The following ASB4 variants were observed in gnomAD, a reference collection of about 807,000 sequenced individuals.
The protein encoded by ASB4 is ankyrin repeat and SOCS box containing 4.
ASB4 carries 35 observed loss-of-function variants against 38.6 expected under a neutral mutation model. That is an observed-to-expected ratio of 0.91 (90% confidence interval 0.69 to 1.20). The LOEUF (loss-of-function observed/expected upper bound fraction) is 1.20. Ranked by LOEUF, ASB4 falls within the 50% of genes most tolerant of loss-of-function variation. The pLI, the probability that ASB4 is intolerant of heterozygous loss-of-function variation, is 0.00. For missense variants in ASB4, 557 were observed against 527.2 expected, an observed-to-expected ratio of 1.06 and a Z score of -0.55; for synonymous variants, 195 against 201.3, an observed-to-expected ratio of 0.97 and a Z score of 0.26.
intron 1 of ASB4, 110 bp from the exon 2 acceptor site, chr7:95,495,648 C>A: frequency 8.5e-7 from 1 of 1,171,998 alleles, no homozygotes; most frequent in Non-Finnish European, 1.2e-6. Context: ...CTCCACCCCA[C>A]TTTTATAAAT....
At chr7:95,532,579 CT>C (rs1790834181) in intron 3 of ASB4, among the ~76,000 whole-genome samples, 1 of 152,106 alleles carries the variant, frequency 6.6e-6, no homozygotes, top group Non-Finnish European at 1.5e-5. Context: ...AGGCAGTTCT[CT>C]TTGATCATTA....
chr7:95,523,653 G>A (rs1437092283), intron 2 of ASB4, among the ~76,000 whole-genome samples: 1 of 151,966 alleles, frequency 6.6e-6, no homozygotes, highest in African/African-American at 2.4e-5. Flanking sequence ...AAATGTTTCA[G>A]CTTAATAATT....
upstream of ASB4, among the ~76,000 whole-genome samples, chr7:95,478,291 G>A (rs1389113493): frequency 1.3e-5 from 2 of 152,156 alleles, no homozygotes; most frequent in African/African-American, 4.8e-5. Flanking sequence ...GTGAGGGATG[G>A]AAATACAAGC....
At chr7:95,493,364 G>GTGTGTGTGTGTGTGTGTGTGTGTGTGTA (rs1790200308) in intron 1 of ASB4, among the ~76,000 whole-genome samples, 2 of 55,630 alleles carry the variant, frequency 3.6e-5, no homozygotes, top group Non-Finnish European at 6.5e-5. Flanking sequence ...AGATGAAAGT[G>GTGTGTGTGTGTGTGTGTGTGTGTGTGTA]TGTGTGTGTG....
intron 2 of ASB4, among the ~76,000 whole-genome samples, chr7:95,515,003 G>A (rs1270864333): frequency 6.6e-6 from 1 of 152,152 alleles, no homozygotes; most frequent in Non-Finnish European, 1.5e-5. Context: ...AGCTGGTGAC[G>A]TAGACAGTAT....
At chr7:95,522,644 G>T (rs901744589) in intron 2 of ASB4, among the ~76,000 whole-genome samples, 13 of 152,086 alleles carry the variant, frequency 8.5e-5, no homozygotes, top group African/African-American at 3.1e-4. Context: ...TGGTCCTCCC[G>T]TTTAGTACCA....
At position 95,486,169 on chromosome 7, in the gene ASB4, A is replaced by T. The variant is rs763088336; in HGVS notation, c.187+11A>T. On this transcript the variant is annotated intron_variant, in intron 1 of 4. Transcript: ENST00000325885. ...CATCTTATAAACAAGGTAAAAACATATAGGTGTTATTGTAGAACTGTTAGA... is the reference window on the plus strand; with the variant it reads ...CATCTTATAAACAAGGTAAAAACATTTAGGTGTTATTGTAGAACTGTTAGA... 3.1e-6 allele frequency: 5 copies of T among 1,605,478 alleles called. No homozygotes were observed. In the African/African-American group the frequency reaches 6.7e-5, roughly 22 times the overall value.
chr7:95,492,126 C>G (rs552737937), intron 1 of ASB4, among the ~76,000 whole-genome samples: 30 of 152,174 alleles, frequency 2.0e-4, no homozygotes, highest in Non-Finnish European at 3.7e-4. Flanking sequence ...GTAACCACAA[C>G]TCCATTCTGG....
At chr7:95,493,359 A>T (rs997839071) in intron 1 of ASB4, among the ~76,000 whole-genome samples, 14 of 124,234 alleles carry the variant, frequency 1.1e-4, no homozygotes, top group Non-Finnish European at 1.8e-4. Context: ...AAAAGAGATG[A>T]AAGTGTGTGT....
intron 2 of ASB4, among the ~76,000 whole-genome samples, chr7:95,514,531 T>A (rs770471618): frequency 6.6e-6 from 1 of 152,128 alleles, no homozygotes; most frequent in African/African-American, 2.4e-5. Context: ...GAGGAAGAGG[T>A]TGACTGACAT....
Position 95,486,025 on chromosome 7 carries a change from G to T in ASB4, c.54G>T (p.Lys18Asn). 1 of 1,614,150 alleles carries T rather than the reference G, an allele frequency of 6.2e-7. No homozygotes were observed. The highest frequency in any genetic ancestry group is 8.5e-7 in the Non-Finnish European group (1 of 1,180,012). ...AATCTGGAGCTGCCAAGTTAGTTAA[G>T]AGAAATTTCCTTGAGGCGCTAAAGT... Reference protein sequence around the residue: ...VTKSGAAKLVKRNFLEALKSN... With the variant: ...VTKSGAAKLVNRNFLEALKSN... Residue 18 changes from lysine to asparagine, a missense_variant, in exon 1 of 5, where the codon AAG (lysine) becomes AAT (asparagine). Coordinates refer to ENST00000325885, the MANE Select transcript of ASB4 (RefSeq NM_016116.3).
intron 2 of ASB4, among the ~76,000 whole-genome samples, chr7:95,517,551 T>A (rs966019766): frequency 1.3e-5 from 2 of 151,052 alleles, no homozygotes; most frequent in Non-Finnish European, 2.9e-5. Context: ...AGAAAAATCA[T>A]CACAGACTTT....
At chr7:95,507,712 G>A (rs967477042) in intron 2 of ASB4, among the ~76,000 whole-genome samples, 1 of 152,172 alleles carries the variant, frequency 6.6e-6, no homozygotes, top group African/African-American at 2.4e-5. Context: ...GGAAAAGAGT[G>A]CAGTTGAACC....
chr7:95,535,434 G>A (rs549486268), intron 3 of ASB4, among the ~76,000 whole-genome samples: 1 of 113,308 alleles, frequency 8.8e-6, no homozygotes, highest in East Asian at 2.1e-4. Flanking sequence ...TATGTTCTCC[G>A]AAGTTTCATG....
At position 95,519,610 on chromosome 7, in the gene ASB4, A is replaced by G. The variant is rs891084859; in HGVS notation, c.488-8203A>G. 2.6e-5 allele frequency among the ~76,000 whole-genome samples: 4 copies of G among 152,322 alleles called. No individual in the cohort carries two copies. The South Asian group carries it at 8.3e-4, about 32-fold the overall frequency. On this transcript the variant is annotated intron_variant, in intron 2 of 4. Coordinates refer to ENST00000325885, the MANE Select transcript of ASB4 (RefSeq NM_016116.3). Reference sequence around the variant, plus strand: ...ACATCTCAGATAAAATAAACAACTAATGAGGATTCTGGACTTCTACCTGAA... The same window carrying G: ...ACATCTCAGATAAAATAAACAACTAGTGAGGATTCTGGACTTCTACCTGAA...
chr7:95,513,323 G>GTGTGTA (rs1790511853), intron 2 of ASB4, among the ~76,000 whole-genome samples: 2 of 138,326 alleles, frequency 1.4e-5, no homozygotes. Context: ...GTGTGTGTGT[G>GTGTGTA]TGTGTGTGTT....
At chr7:95,525,119 A>G (rs1790719339) in intron 2 of ASB4, among the ~76,000 whole-genome samples, 1 of 152,208 alleles carries the variant, frequency 6.6e-6, no homozygotes, top group Non-Finnish European at 1.5e-5. Flanking sequence ...CTAGAGTGAT[A>G]GGTCTACAAG....
upstream of ASB4, among the ~76,000 whole-genome samples, chr7:95,475,958 C>G (rs1447060406): frequency 6.6e-6 from 1 of 152,190 alleles, no homozygotes; most frequent in Non-Finnish European, 1.5e-5. Context: ...ACTTTTCGGT[C>G]TCTATATATC....
the ASB4 span, among the ~76,000 whole-genome samples, chr7:95,550,343 A>T: frequency 2.0e-5 from 3 of 151,906 alleles, no homozygotes; most frequent in African/African-American, 4.8e-5. Flanking sequence ...CCCTTTATAC[A>T]CTCAGCAGGG....
Sources: allele counts gnomAD v4.1 joint callset (sites outside exome capture counted in the v4.1 genomes callset), GRCh38; gene constraint gnomAD v4.1.1; transcripts MANE v1.5; gene names NCBI Gene and HGNC (gene_info 2026-07-23, HGNC 2026-07-21).